The following NOX4 variants were observed in gnomAD, a reference collection of about 807,000 sequenced individuals.
The protein encoded by NOX4 is NADPH oxidase 4.
In NOX4, 69 loss-of-function variants were observed where a neutral mutation model predicts 87.6. The ratio of observed to expected loss-of-function variants is 0.79; its 90% CI spans 0.65 to 0.96. The LOEUF is 0.96. Among genes scored for constraint, NOX4 ranks in the 40% least tolerant of loss-of-function variants. The probability of loss-of-function intolerance (pLI) is 0.00; values close to 1 mark genes in which losing one functional copy is unlikely to be tolerated. For missense variants in NOX4, 680 were observed against 681.5 expected, an observed-to-expected ratio of 1.00 and a Z score of 0.02; for synonymous variants, 275 against 238.2, an observed-to-expected ratio of 1.15 and a Z score of -1.42.
intron 11 of NOX4, among the ~76,000 whole-genome samples, chr11:89,374,838 G>C (rs1939721908): frequency 6.6e-6 from 1 of 152,132 alleles, no homozygotes; most frequent in Admixed American, 6.6e-5. Context: ...GCAGTGGAAG[G>C]GCCCTGTGAT....
At chr11:89,582,340 G>A in the NOX4 span, among the ~76,000 whole-genome samples, 1 of 151,948 alleles carries the variant, frequency 6.6e-6, no homozygotes, top group East Asian at 1.9e-4. Context: ...ATGCTACAAT[G>A]AACATGAAAG....
intron 2 of NOX4, among the ~76,000 whole-genome samples, chr11:89,484,088 G>A (rs919616104): frequency 4.6e-5 from 7 of 152,072 alleles, no homozygotes; most frequent in Non-Finnish European, 1.0e-4. Context: ...CTAAAGTCTA[G>A]TATTAGCCAG....
chr11:89,378,574 C>G (rs759796467), intron 11 of NOX4, among the ~76,000 whole-genome samples: 1 of 151,830 alleles, frequency 6.6e-6, no homozygotes, highest in African/African-American at 2.4e-5. Context: ...TTCCACAGCA[C>G]CTTACACATA....
the NOX4 span, among the ~76,000 whole-genome samples, chr11:89,537,337 A>G: frequency 6.6e-6 from 1 of 151,936 alleles, no homozygotes; most frequent in African/African-American, 2.4e-5. Context: ...GTTTTAATTT[A>G]AAAAGCATAT....
At chr11:89,569,875 G>C in the NOX4 span, among the ~76,000 whole-genome samples, 1 of 151,692 alleles carries the variant, frequency 6.6e-6, no homozygotes, top group Non-Finnish European at 1.5e-5. Flanking sequence ...GGTGGCGGGC[G>C]CCTGTAATTC....
chr11:89,336,659 C>A (rs1945728457), intron 16 of NOX4, among the ~76,000 whole-genome samples: 1 of 151,876 alleles, frequency 6.6e-6, no homozygotes, highest in South Asian at 2.1e-4. Context: ...GAACCAGATG[C>A]AAATTATGCT....
the NOX4 span, among the ~76,000 whole-genome samples, chr11:89,586,601 C>T: frequency 1.8e-4 from 27 of 152,252 alleles, no homozygotes; most frequent in Admixed American, 8.5e-4. Flanking sequence ...CTTCAAGAAG[C>T]TGAAGTTTAG....
intron 6 of NOX4, among the ~76,000 whole-genome samples, chr11:89,440,192 G>A (rs1944396211): frequency 6.6e-6 from 1 of 152,046 alleles, no homozygotes; most frequent in South Asian, 2.1e-4. Context: ...CATTGTCTCT[G>A]TTCTCATTGC....
Position 89,335,923 on chromosome 11 carries a change from T to C in NOX4, c.1538A>G (p.His513Arg). The change falls in exon 17 of 18, where the codon CAT (histidine) becomes CGT (arginine). Residue 513 changes from histidine (H) to arginine (R), a missense_variant. By Grantham distance (29) the His-to-Arg change is conservative. Coordinates refer to ENST00000263317, the MANE Select transcript of NOX4 (RefSeq NM_016931.5). ...TATAAACAGTCTTGAATTCAGTGCATGATATTTTTCTCCAATTATCTTCTG... is the reference window on the plus strand; with the variant it reads ...TATAAACAGTCTTGAATTCAGTGCACGATATTTTTCTCCAATTATCTTCTG... ...GIQKIIGEKY[H>R]ALNSRLFIGR... The C allele has an allele frequency of 6.3e-7, 1 of 1,597,238 alleles. No individual in the cohort carries two copies. The highest frequency in any genetic ancestry group is 2.3e-5 in the East Asian group (1 of 44,400).
At chr11:89,343,213 C>A (rs563468083) in intron 13 of NOX4, among the ~76,000 whole-genome samples, 1 of 152,302 alleles carries the variant, frequency 6.6e-6, no homozygotes, top group African/African-American at 2.4e-5. Flanking sequence ...AACTGGATTT[C>A]TTTCATCTAT....
At chr11:89,442,709 A>T (rs1479127525) in intron 5 of NOX4, among the ~76,000 whole-genome samples, 1 of 152,196 alleles carries the variant, frequency 6.6e-6, no homozygotes, top group African/African-American at 2.4e-5. Flanking sequence ...TGAGAGTTTT[A>T]AAATATTTTA....
At chr11:89,539,697 A>G in the NOX4 span, among the ~76,000 whole-genome samples, 1 of 152,076 alleles carries the variant, frequency 6.6e-6, no homozygotes, top group Non-Finnish European at 1.5e-5. Flanking sequence ...GGGCTCCAAG[A>G]GTCTTTTAAG....
intron 13 of NOX4, among the ~76,000 whole-genome samples, chr11:89,351,957 C>A (rs1236238704): frequency 6.6e-6 from 1 of 152,080 alleles, no homozygotes; most frequent in Non-Finnish European, 1.5e-5. Flanking sequence ...ACTTTTGCAG[C>A]AATATGGATA....
chr11:89,531,011 T>C, the NOX4 span, among the ~76,000 whole-genome samples: 17 of 152,190 alleles, frequency 1.1e-4, no homozygotes, highest in Non-Finnish European at 1.3e-4. Flanking sequence ...AATCTTCTCA[T>C]TGGACTCTGT....
intron 7 of NOX4, among the ~76,000 whole-genome samples, chr11:89,424,159 GA>G: frequency 6.6e-6 from 1 of 151,874 alleles, no homozygotes; most frequent in South Asian, 2.1e-4. Flanking sequence ...TTCTCTTAGT[GA>G]ACATATATCT....
At chr11:89,449,585 G>A in intron 3 of NOX4, 61 bp from the exon 4 acceptor site, 5 of 1,306,264 alleles carry the variant, frequency 3.8e-6, no homozygotes, top group Non-Finnish European at 5.4e-6. Context: ...AAGTTTTTCA[G>A]TATAGCATTG....
chr11:89,388,660 G>C (rs193079008), intron 11 of NOX4, among the ~76,000 whole-genome samples: 2 of 152,064 alleles, frequency 1.3e-5, no homozygotes, highest in Non-Finnish European at 1.5e-5. Flanking sequence ...AACCTAAAAC[G>C]TCATTCATCC....
At position 89,444,127 on chromosome 11, in the gene NOX4, C is replaced by A. The variant is rs1472938063; in HGVS notation, c.447+8G>T. 3 of 1,611,570 alleles carry A rather than the reference C, an allele frequency of 1.9e-6. No individual in the cohort carries two copies. The African/African-American group carries it at 4.0e-5, about 22-fold the overall frequency. ...TGAAAGAAAAATGGGAAGACAGAGA[C>A]CACCCACCTCATCTCGGTATCTTGC... On this transcript the variant is annotated splice_region_variant and intron_variant, in intron 5 of 17. Transcript: ENST00000263317.
At chr11:89,351,195 A>G (rs1946442128) in intron 13 of NOX4, among the ~76,000 whole-genome samples, 1 of 152,244 alleles carries the variant, frequency 6.6e-6, no homozygotes, top group Non-Finnish European at 1.5e-5. Flanking sequence ...ACCAGCCACA[A>G]CACAACATTC....
Sources: allele counts gnomAD v4.1 joint callset (sites outside exome capture counted in the v4.1 genomes callset), GRCh38; gene constraint gnomAD v4.1.1; transcripts MANE v1.5; gene names NCBI Gene and HGNC (gene_info 2026-07-23, HGNC 2026-07-21).